Variants in ZNRF3 observed in about 807,000 individuals in gnomAD.
The protein encoded by ZNRF3 is E3 ubiquitin-protein ligase ZNRF3.
A neutral mutation model predicts 72.5 loss-of-function variants in ZNRF3; 23 were observed. That is an observed-to-expected ratio of 0.32 (90% CI 0.23 to 0.45). ZNRF3 has a LOEUF of 0.45. Ranked by LOEUF, ZNRF3 falls within the 20% of genes least tolerant of loss-of-function variation. The pLI is 1.00. For missense variants in ZNRF3, 1,169 were observed against 1,272.1 expected, an observed-to-expected ratio of 0.92 and a Z score of 1.23; for synonymous variants, 610 against 545.3, an observed-to-expected ratio of 1.12 and a Z score of -1.65.
At chr22:28,884,164 C>T (rs969993668) in intron 1 of ZNRF3, 98 bp downstream of exon 1, 4 of 942,364 alleles carry the variant, frequency 4.2e-6, no homozygotes, top group African/African-American at 1.8e-5. Flanking sequence ...GACTGGCGGG[C>T]GGGCGGGAGG....
At chr22:28,975,534 C>T (rs1425511264) in intron 1 of ZNRF3, among the ~76,000 whole-genome samples, 11 of 136,654 alleles carry the variant, frequency 8.0e-5, no homozygotes, top group Non-Finnish European at 1.7e-4. Context: ...AAAAAGAGTT[C>T]AAGACCAGCC....
At chr22:28,896,984 G>A (rs563635873) in intron 1 of ZNRF3, among the ~76,000 whole-genome samples, 2 of 152,084 alleles carry the variant, frequency 1.3e-5, no homozygotes, top group Non-Finnish European at 2.9e-5. Context: ...GCCTAGACTG[G>A]ACTTGAACTC....
chr22:29,050,996 G>A (rs370796682), intron 8 of ZNRF3, 48 bp downstream of exon 8: 3 of 1,489,900 alleles, frequency 2.0e-6, no homozygotes, highest in Non-Finnish European at 2.7e-6. Context: ...TTCCATCAGG[G>A]TCGTCTTGTC....
intron 1 of ZNRF3, among the ~76,000 whole-genome samples, chr22:28,911,792 T>G (rs1290202860): frequency 6.6e-6 from 1 of 152,178 alleles, no homozygotes; most frequent in East Asian, 1.9e-4. Context: ...GCTCCATCTG[T>G]TGACTGCCCT....
At chr22:29,013,675 C>T (rs934963799) in intron 2 of ZNRF3, among the ~76,000 whole-genome samples, 21 of 152,190 alleles carry the variant, frequency 1.4e-4, no homozygotes, top group Admixed American at 5.2e-4. Context: ...TGGATGTCAA[C>T]TTGCACTTGT....
At chr22:29,038,686 A>G (rs1053366572) in intron 2 of ZNRF3, among the ~76,000 whole-genome samples, 19 of 151,944 alleles carry the variant, frequency 1.3e-4, no homozygotes, top group Admixed American at 3.3e-4. Flanking sequence ...TTTTCTAAAT[A>G]TGGGTTATTC....
chr22:29,051,236 C>A (rs141711434), intron 8 of ZNRF3, among the ~76,000 whole-genome samples: 32 of 152,256 alleles, frequency 2.1e-4, no homozygotes, highest in Admixed American at 1.6e-3. Flanking sequence ...TCCGCATGCT[C>A]ACACCAAAAA....
At chr22:28,941,423 ACT>A (rs1317829818) in intron 1 of ZNRF3, among the ~76,000 whole-genome samples, 1 of 152,154 alleles carries the variant, frequency 6.6e-6, no homozygotes, top group Non-Finnish European at 1.5e-5. Flanking sequence ...AGCTTACCAA[ACT>A]GATAAAATAA....
intron 2 of ZNRF3, among the ~76,000 whole-genome samples, chr22:28,994,172 C>CTTT (rs1569274128): frequency 1.3e-5 from 1 of 78,764 alleles, no homozygotes; most frequent in African/African-American, 5.4e-5. Flanking sequence ...CCTTCAGTTC[C>CTTT]TTTCTTTTTT....
chr22:28,983,431 GTA>G (rs1341025570), intron 1 of ZNRF3, among the ~76,000 whole-genome samples: 1 of 152,312 alleles, frequency 6.6e-6, no homozygotes, highest in Non-Finnish European at 1.5e-5. Context: ...CTCCAAGAGA[GTA>G]AGCCTCTGGC....
Position 29,049,530 on chromosome 22 carries a change from A to G in ZNRF3, c.1349A>G (p.Lys450Arg), listed in dbSNP as rs774213111. The G allele has an allele frequency of 2.6e-5, 42 of 1,604,638 alleles. No individual in the cohort carries two copies. The Admixed American group carries it at 4.7e-4, about 18-fold the overall frequency. The change falls in exon 8 of 9, where the codon AAG (lysine) becomes AGG (arginine). Residue 450 changes from lysine (K) to arginine (R), a missense_variant. By Grantham distance (26) the Lys-to-Arg change is conservative. Around this residue, in one of 2 missense-constraint regions of ZNRF3, gnomAD observed 783 missense variants for 731.4 expected, o/e 1.07. Transcript: ENST00000544604. This position sits in a 1 kb window ranked among gnomAD's most constrained non-coding sequence, Gnocchi z 5.2. Reference sequence around the variant, plus strand: ...CCAGCCCACCCCTTCCGCAGGCCCAAGTTGAGTGGCCGCAGCTTCTCCAAG... The same window carrying G: ...CCAGCCCACCCCTTCCGCAGGCCCAGGTTGAGTGGCCGCAGCTTCTCCAAG... The part of the protein sequence containing the change: ...YSPAHPFRRP[K>R]LSGRSFSKAA...
chr22:29,033,483 A>G (rs751342723), intron 2 of ZNRF3, among the ~76,000 whole-genome samples: 19 of 152,044 alleles, frequency 1.2e-4, no homozygotes, highest in Non-Finnish European at 2.6e-4. Flanking sequence ...AGGGTGGTGC[A>G]GGTCAGATCC....
chr22:28,909,927 CAG>C (rs2034286016), intron 1 of ZNRF3, among the ~76,000 whole-genome samples: 1 of 151,248 alleles, frequency 6.6e-6, no homozygotes, highest in South Asian at 2.1e-4. Flanking sequence ...TTTCTAGAGA[CAG>C]GGGTCTTACT....
chr22:29,050,351 A>G lies in ZNRF3; in HGVS notation c.2170A>G (p.Ser724Gly). 6.2e-7 allele frequency: 1 copy of G among 1,602,998 alleles called. No individual in the cohort carries two copies. The highest frequency in any genetic ancestry group is 8.5e-7 in the Non-Finnish European group (1 of 1,176,152). The change falls in exon 8 of 9, where the codon AGC (serine) becomes GGC (glycine). Residue 724 changes from serine to glycine, a missense_variant. Ser to Gly is a moderately conservative substitution (Grantham distance 56). Coordinates refer to ENST00000544604, the MANE Select transcript of ZNRF3 (RefSeq NM_001206998.2). ...CEPQPSPAGP[S>G]AGAAGSSTLF... ...GCCCCAGCCCTCCCCAGCCGGGCCTAGCGCCGGAGCAGCTGGCAGCAGCAC... is the reference window on the plus strand; with the variant it reads ...GCCCCAGCCCTCCCCAGCCGGGCCTGGCGCCGGAGCAGCTGGCAGCAGCAC...
chr22:29,045,639 G>A (rs117619211), intron 5 of ZNRF3, among the ~76,000 whole-genome samples: 2,170 of 152,150 alleles, frequency 0.014, 36 homozygotes, highest in South Asian at 0.057. Flanking sequence ...CAGGCACCCG[G>A]CTAATTTTTG....
At chr22:29,034,998 CCTTTTT>C (rs1349907961) in intron 2 of ZNRF3, among the ~76,000 whole-genome samples, 1 of 127,326 alleles carries the variant, frequency 7.9e-6, no homozygotes, top group East Asian at 2.3e-4. Context: ...CTTTGTTAGA[CCTTTTT>C]TTTTTTTTTT....
rs1369788150 is a variant in ZNRF3, at chr22:29,048,221, C to A, written c.913-168C>A. Among the ~76,000 whole-genome samples the A allele has an allele frequency of 1.3e-5, 2 of 152,160 alleles. No homozygotes were observed. Among genetic ancestry groups the A allele is most frequent in the Non-Finnish European group, 2.9e-5 (2 of 68,012 alleles). On this transcript the variant is annotated intron_variant, in intron 6 of 8. Transcript: ENST00000544604. This position sits in a 1 kb window ranked among gnomAD's most constrained non-coding sequence, Gnocchi z 4.9. ...TGGCAGTTTCCTTCTTCCTAGAACA[C>A]ATGGGTGGGCCCTGCTTCTAGGGAA...
At position 28,950,442 on chromosome 22, in the gene ZNRF3, C is replaced by T. The variant is rs1016934081; in HGVS notation, c.301-36634C>T. 3.9e-5 allele frequency among the ~76,000 whole-genome samples: 6 copies of T among 152,326 alleles called. No individual in the cohort carries two copies. In the East Asian group the frequency reaches 5.8e-4, roughly 15 times the overall value. On this transcript the variant is annotated intron_variant, in intron 1 of 8. Coordinates refer to ENST00000544604, the MANE Select transcript of ZNRF3 (RefSeq NM_001206998.2). ...GTGTATAGTGTTGTGTACCTTGTTGCGTTGTTCTTTCCAGTCTTTAGCAAT... is the reference window on the plus strand; with the variant it reads ...GTGTATAGTGTTGTGTACCTTGTTGTGTTGTTCTTTCCAGTCTTTAGCAAT...
intron 1 of ZNRF3, among the ~76,000 whole-genome samples, chr22:28,940,276 A>T (rs1422179045): frequency 1.3e-5 from 2 of 152,198 alleles, no homozygotes; most frequent in Non-Finnish European, 2.9e-5. Flanking sequence ...TAGTTTCTTA[A>T]TAAGTTTCTG....
Sources: gnomAD v4.1 joint callset for allele counts (sites outside exome capture counted in the v4.1 genomes callset) on GRCh38, gnomAD v4.1.1 for gene constraint, gnomAD v4.1.1 regional missense constraint, Gnocchi (gnomAD v3.1) non-coding constraint, MANE v1.5 for transcripts, NCBI Gene and HGNC (gene_info 2026-07-23, HGNC 2026-07-21) for gene names.